The following ARL2 variants were observed in gnomAD, a reference collection of about 807,000 sequenced individuals.
ARL2 encodes the protein ARF like GTPase 2, also known as ADP-ribosylation factor-like protein 2.
Under a neutral mutation model 22.0 loss-of-function variants are expected in ARL2, and 11 were observed. The ratio of observed to expected loss-of-function variants is 0.50; its 90% CI spans 0.31 to 0.83. ARL2 has a LOEUF of 0.83. Ranked by LOEUF, ARL2 falls within the 40% of genes least tolerant of loss-of-function variation. The probability of loss-of-function intolerance (pLI) is 0.04; values close to 1 mark genes in which losing one functional copy is unlikely to be tolerated. For synonymous variants in ARL2, 111 were observed against 100.8 expected, an observed-to-expected ratio of 1.10 and a Z score of -0.61; for missense variants, 216 against 243.2, an observed-to-expected ratio of 0.89 and a Z score of 0.74.
intron 3 of ARL2, chr11:65,019,523 CAG>C (rs1209423936): frequency 6.6e-6 from 1 of 152,180 alleles, no homozygotes; most frequent in Non-Finnish European, 1.5e-5. Context: ...GCCTGGGCAA[CAG>C]AGTGAGACTC....
In ARL2 at chr11:65,018,655, C is replaced by T. The variant is rs201625837; in HGVS notation, c.261C>T (p.Leu87=). ...WRNYFESTDG[L]IWVVDSADRQ... ...ACTACTTTGAGAGCACCGATGGCCTCATCTGGGTAGTGGACAGCGCAGACC... is the reference window on the plus strand; with the variant it reads ...ACTACTTTGAGAGCACCGATGGCCTTATCTGGGTAGTGGACAGCGCAGACC... Residue 87 remains leucine, a synonymous_variant, in exon 3 of 5, where the codon CTC becomes CTT. Coordinates refer to ENST00000246747, the MANE Select transcript of ARL2 (RefSeq NM_001667.4). The surrounding 1 kb of genome is among the most constrained non-coding windows in gnomAD (Gnocchi z 4.2). 8.4e-5 allele frequency: 135 copies of T among 1,614,100 alleles called. No homozygotes were observed. Among genetic ancestry groups the T allele is most frequent in the Non-Finnish European group, 5.1e-5 (60 of 1,180,046 alleles).
At position 65,016,273 on chromosome 11, in the gene ARL2, G is replaced by C. The variant is rs12283682; in HGVS notation, c.65+2001G>C. ...GGTTGAACCATATAGCAATTCGGGG[G>C]GGGGGGAAACTTTAAAGCAAAGGGA... On this transcript the variant is annotated intron_variant, in intron 1 of 4. Coordinates refer to ENST00000246747, the MANE Select transcript of ARL2 (RefSeq NM_001667.4). 2.5e-4 allele frequency among the ~76,000 whole-genome samples: 37 copies of C among 145,196 alleles called. No homozygotes were observed. In the Middle Eastern group the frequency reaches 0.01, roughly 41 times the overall value.
Position 65,021,969 on chromosome 11 carries a change from AGCCTGCTGCTGCTACTGCT to A in ARL2, c.*118_*136del, listed in dbSNP as rs1171696699. On this transcript the variant is annotated 3_prime_UTR_variant, in exon 5 of 5. Transcript: ENST00000246747. ...ACTAACACTCCCCCTCCTCCACCCCAGCCTGCTGCTGCTACTGCTGCCCGCTGCTGCTCTGTGGCCACCC... is the reference window on the plus strand; with the variant it reads ...ACTAACACTCCCCCTCCTCCACCCCAGCCCGCTGCTGCTCTGTGGCCACCC... 7.0e-7 allele frequency: 1 copy of A among 1,427,370 alleles called. No homozygotes were observed. Among genetic ancestry groups the A allele is most frequent in the Non-Finnish European group, 9.4e-7 (1 of 1,060,198 alleles). 88.4% of individuals were successfully genotyped at this position (1,427,370 alleles called of 1,614,324 possible).
At chr11:65,017,582 G>T (rs1033113602) in intron 1 of ARL2, among the ~76,000 whole-genome samples, 13 of 152,324 alleles carry the variant, frequency 8.5e-5, no homozygotes, top group African/African-American at 3.1e-4. Context: ...ATGGATGATG[G>T]CTTGGGGGCA....
At position 65,018,403 on chromosome 11, in the gene ARL2, G is replaced by T; in HGVS notation, c.105G>T (p.Lys35Asn). 3 of 1,609,302 alleles carry T rather than the reference G, an allele frequency of 1.9e-6. No individual in the cohort carries two copies. The highest frequency in any genetic ancestry group is 1.7e-6 in the Non-Finnish European group (2 of 1,178,268). ...DNAGKTTILK[K>N]FNGEDIDTIS... ...CTGGAAAGACAACCATCCTGAAGAAGTTCAATGGGGAGGACATCGACACCA... is the reference window on the plus strand; with the variant it reads ...CTGGAAAGACAACCATCCTGAAGAATTTCAATGGGGAGGACATCGACACCA... Residue 35 changes from lysine (K) to asparagine (N), a missense_variant, in exon 2 of 5, where the codon AAG becomes AAT. Lys to Asn is a moderately conservative substitution (Grantham distance 94). Transcript: ENST00000246747. This position sits in a 1 kb window ranked among gnomAD's most constrained non-coding sequence, Gnocchi z 4.2.
Position 65,016,234 on chromosome 11 carries a change from A to AT in ARL2, c.65+1963dup, listed in dbSNP as rs1946252378. 4.8e-5 allele frequency among the ~76,000 whole-genome samples: 6 copies of AT among 126,106 alleles called. No homozygotes were observed. The South Asian group carries it at 1.8e-3, about 37-fold the overall frequency. 82.7% of individuals were successfully genotyped at this position (126,106 alleles called of 152,430 possible). ...AAAAAAAAAAATGACAATTGAGTAC[A>AT]TGAGGGAGGCGAGGGTTGAACCATA... On this transcript the variant is annotated intron_variant, in intron 1 of 4. Coordinates refer to ENST00000246747, the MANE Select transcript of ARL2 (RefSeq NM_001667.4).
chr11:65,021,551 C>T, intron 4 of ARL2, 170 bp from the exon 5 acceptor site: 3 of 772,568 alleles, frequency 3.9e-6, no homozygotes, highest in Non-Finnish European at 6.0e-6. Context: ...CCAGGTGCCC[C>T]TGGGGTCTGA....
chr11:65,019,066 T>G, intron 3 of ARL2: 1 of 732,692 alleles, frequency 1.4e-6, no homozygotes, highest in Non-Finnish European at 2.0e-6. Flanking sequence ...GGCTCAAGAG[T>G]CTGACTCTTT....
At chr11:65,020,965 G>A (rs1217930314) in intron 4 of ARL2, among the ~76,000 whole-genome samples, 2 of 152,206 alleles carry the variant, frequency 1.3e-5, no homozygotes, top group African/African-American at 4.8e-5. Flanking sequence ...AGGGCACTGG[G>A]GATCCAGTGA....
chr11:65,014,200 CG>C lies in ARL2; in HGVS notation c.-4del. On this transcript the variant is annotated 5_prime_UTR_variant, in exon 1 of 5. Coordinates refer to ENST00000246747, the MANE Select transcript of ARL2 (RefSeq NM_001667.4). ...AGAAACGGCGGCCGGGAGGGGGCTCCGGGGACCATGGGGCTCCTGACCATTC... is the reference window on the plus strand; with the variant it reads ...AGAAACGGCGGCCGGGAGGGGGCTCCGGGACCATGGGGCTCCTGACCATTC... 3 of 1,563,236 alleles carry C rather than the reference CG, an allele frequency of 1.9e-6. No individual in the cohort carries two copies. The highest frequency in any genetic ancestry group is 1.9e-5 in the Admixed American group (1 of 52,090).
At chr11:65,015,973 G>C (rs1946247655) in intron 1 of ARL2, among the ~76,000 whole-genome samples, 4 of 152,034 alleles carry the variant, frequency 2.6e-5, no homozygotes. Flanking sequence ...TGAAAGGCCG[G>C]GGCGGATGGA....
chr11:65,017,527 G>A (rs898240486), intron 1 of ARL2, among the ~76,000 whole-genome samples: 8 of 152,080 alleles, frequency 5.3e-5, no homozygotes, highest in Non-Finnish European at 1.0e-4. Flanking sequence ...GAGAAAGAAC[G>A]GCAAGCTCAT....
chr11:65,021,974 G>C lies in ARL2; in HGVS notation c.*119G>C. ...CACTCCCCCTCCTCCACCCCAGCCT[G>C]CTGCTGCTACTGCTGCCCGCTGCTG... On this transcript the variant is annotated 3_prime_UTR_variant, in exon 5 of 5. Coordinates refer to ENST00000246747, the MANE Select transcript of ARL2 (RefSeq NM_001667.4). 1 of 1,400,382 alleles carries C rather than the reference G, an allele frequency of 7.1e-7. No individual in the cohort carries two copies. Among genetic ancestry groups the C allele is most frequent in the Non-Finnish European group, 9.6e-7 (1 of 1,038,526 alleles). 86.7% of individuals were successfully genotyped at this position (1,400,382 alleles called of 1,614,324 possible).
chr11:65,021,942 A>C lies in ARL2; in HGVS notation c.*87A>C. ...ATGGGGGGTTGGGAGTCAGCCGGCCAAACTAACACTCCCCCTCCTCCACCC... is the reference window on the plus strand; with the variant it reads ...ATGGGGGGTTGGGAGTCAGCCGGCCCAACTAACACTCCCCCTCCTCCACCC... On this transcript the variant is annotated 3_prime_UTR_variant, in exon 5 of 5. Transcript: ENST00000246747. The C allele has an allele frequency of 6.6e-7, 1 of 1,520,880 alleles. No individual in the cohort carries two copies. The highest frequency in any genetic ancestry group is 8.9e-7 in the Non-Finnish European group (1 of 1,127,194). The allele number at this position is 1,520,880 out of a possible 1,614,324, so 94.2% of individuals were successfully genotyped here.
Position 65,016,268 on chromosome 11 carries a change from C to CGG in ARL2, c.65+2006_65+2007dup, listed in dbSNP as rs59272641. On this transcript the variant is annotated intron_variant, in intron 1 of 4. Coordinates refer to ENST00000246747, the MANE Select transcript of ARL2 (RefSeq NM_001667.4). ...GCGAGGGTTGAACCATATAGCAATTCGGGGGGGGGGGAAACTTTAAAGCAA... is the reference window on the plus strand; with the variant it reads ...GCGAGGGTTGAACCATATAGCAATTCGGGGGGGGGGGGGAAACTTTAAAGCAA... 5.5e-3 allele frequency among the ~76,000 whole-genome samples: 436 copies of CGG among 79,112 alleles called. 1 individual carries two copies. Among genetic ancestry groups the CGG allele is most frequent in the African/African-American group, 0.015 (352 of 23,408 alleles). The allele number at this position is 79,112 out of a possible 152,430, so 51.9% of individuals were successfully genotyped here.
chr11:65,020,823 T>C (rs1289109641), intron 4 of ARL2, among the ~76,000 whole-genome samples: 1 of 148,240 alleles, frequency 6.7e-6, no homozygotes, highest in Non-Finnish European at 1.5e-5. Context: ...GAGCCAAGAT[T>C]GCGCCATTGT....
At position 65,018,247 on chromosome 11, in the gene ARL2, C is replaced by A; in HGVS notation, c.66-117C>A. 2 of 744,090 alleles carry A rather than the reference C, an allele frequency of 2.7e-6. No homozygotes were observed. The highest frequency in any genetic ancestry group is 2.2e-6 in the Non-Finnish European group (1 of 452,288). 46.1% of individuals were successfully genotyped at this position (744,090 alleles called of 1,614,324 possible). A position where few individuals can be genotyped will look rare whatever the true frequency, so the allele number is the denominator to read the frequency against. ...TTATTGTGGGCCGATTATGGTCAGGCATGTGCTCAACTCAGTTTGATACAT... is the reference window on the plus strand; with the variant it reads ...TTATTGTGGGCCGATTATGGTCAGGAATGTGCTCAACTCAGTTTGATACAT... On this transcript the variant is annotated intron_variant, in intron 1 of 4. Coordinates refer to ENST00000246747, the MANE Select transcript of ARL2 (RefSeq NM_001667.4). The surrounding 1 kb of genome is among the most constrained non-coding windows in gnomAD (Gnocchi z 4.2).
intron 1 of ARL2, among the ~76,000 whole-genome samples, chr11:65,015,865 C>T (rs948046003): frequency 4.6e-5 from 7 of 152,076 alleles, no homozygotes; most frequent in East Asian, 1.9e-4. Context: ...ACTCCCACTA[C>T]GTATATAGGT....
chr11:65,018,515 C>A lies in ARL2; in HGVS notation c.176+41C>A. 6.2e-7 allele frequency: 1 copy of A among 1,602,218 alleles called. No individual in the cohort carries two copies. The highest frequency in any genetic ancestry group is 1.7e-5 in the Admixed American group (1 of 57,736). On this transcript the variant is annotated intron_variant, in intron 2 of 4. Transcript: ENST00000246747. This position sits in a 1 kb window ranked among gnomAD's most constrained non-coding sequence, Gnocchi z 4.2. Reference sequence around the variant, plus strand: ...ATGGGAGGGCCAGCCCAGAGCAGGGCAGGGAAGGTGGGAGAGGGGCCCAGC... The same window carrying A: ...ATGGGAGGGCCAGCCCAGAGCAGGGAAGGGAAGGTGGGAGAGGGGCCCAGC...
Sources: allele counts gnomAD v4.1 joint callset (sites outside exome capture counted in the v4.1 genomes callset), GRCh38; gene constraint gnomAD v4.1.1; non-coding constraint Gnocchi (gnomAD v3.1); transcripts MANE v1.5; gene names NCBI Gene and HGNC (gene_info 2026-07-23, HGNC 2026-07-21).